The following ZNF385D variants were observed in gnomAD, a reference collection of about 807,000 sequenced individuals.
ZNF385D encodes the protein zinc finger protein 659.
In ZNF385D, 15 loss-of-function variants were observed where a neutral mutation model predicts 35.8. The ratio of observed to expected loss-of-function variants is 0.42; its 90% CI spans 0.28 to 0.64. ZNF385D has a LOEUF of 0.64. ZNF385D is among the 30% of genes least tolerant of loss of function. The pLI, the probability that ZNF385D is intolerant of heterozygous loss-of-function variation, is 0.23. For missense variants in ZNF385D, 474 were observed against 494.6 expected (o/e 0.96, Z 0.39); for synonymous variants, 212 against 186.8 (o/e 1.13, Z -1.10).
intron 3 of ZNF385D, among the ~76,000 whole-genome samples, chr3:21,775,951 C>T (rs2125624277): frequency 6.6e-6 from 1 of 151,634 alleles, no homozygotes; most frequent in South Asian, 2.1e-4. Context: ...ACAAATACTG[C>T]TAATAGTATT....
chr3:22,354,171 G>A (rs998905770), intron 2 of ZNF385D, among the ~76,000 whole-genome samples: 1 of 152,048 alleles, frequency 6.6e-6, no homozygotes, highest in Non-Finnish European at 1.5e-5. Context: ...GCCTTGGTTT[G>A]AAAGCCAGTT....
intron 2 of ZNF385D, among the ~76,000 whole-genome samples, chr3:22,329,968 T>C (rs1694859740): frequency 1.3e-5 from 2 of 152,176 alleles, no homozygotes; most frequent in African/African-American, 4.8e-5. Flanking sequence ...TTAGTAGCTG[T>C]CATAATAAAC....
chr3:21,468,329 G>C (rs1383613722), intron 4 of ZNF385D, among the ~76,000 whole-genome samples: 2 of 150,034 alleles, frequency 1.3e-5, no homozygotes, highest in Non-Finnish European at 3.0e-5. Flanking sequence ...TTGAACCTGG[G>C]AGGCAGAGGT....
At chr3:22,094,385 G>T (rs1576308626) in intron 3 of ZNF385D, among the ~76,000 whole-genome samples, 6 of 70,832 alleles carry the variant, frequency 8.5e-5, no homozygotes, top group Admixed American at 1.3e-4. Context: ...ATTTATTGTT[G>T]ATATATATAT....
At chr3:22,053,320 A>G (rs1216874195) in intron 3 of ZNF385D, among the ~76,000 whole-genome samples, 1 of 54,358 alleles carries the variant, frequency 1.8e-5, no homozygotes, top group African/African-American at 7.0e-5. Flanking sequence ...CAAAAAATCA[A>G]TGAATCCAGG....
chr3:22,206,548 T>C (rs1418667095), intron 2 of ZNF385D, among the ~76,000 whole-genome samples: 2 of 151,216 alleles, frequency 1.3e-5, no homozygotes, highest in Non-Finnish European at 1.5e-5. Context: ...TCTTAAAACA[T>C]CCAGAAAAAA....
intron 3 of ZNF385D, among the ~76,000 whole-genome samples, chr3:21,889,691 ATG>A (rs1345772564): frequency 1.3e-5 from 2 of 152,192 alleles, no homozygotes; most frequent in African/African-American, 4.8e-5. Context: ...AGGATGAAGT[ATG>A]TTTCTCTGAT....
intron 6 of ZNF385D, among the ~76,000 whole-genome samples, chr3:21,424,593 G>A (rs964343677): frequency 3.3e-5 from 5 of 150,138 alleles, no homozygotes; most frequent in African/African-American, 1.2e-4. Flanking sequence ...GATTACAGGC[G>A]TGAGCCACTG....
chr3:21,820,738 G>T (rs919026068), intron 3 of ZNF385D, among the ~76,000 whole-genome samples: 1 of 150,652 alleles, frequency 6.6e-6, no homozygotes, highest in Non-Finnish European at 1.5e-5. Context: ...ATAAAAAAGG[G>T]ATATAATTAT....
intron 2 of ZNF385D, among the ~76,000 whole-genome samples, chr3:22,172,596 A>C (rs950989348): frequency 6.6e-6 from 1 of 152,178 alleles, no homozygotes; most frequent in African/African-American, 2.4e-5. Flanking sequence ...CACCCCTGGC[A>C]TGGGTCTCTG....
rs539071076 is a variant in ZNF385D at position 22,143,845 on chromosome 3, G to T, written c.325+24972C>A. Among the ~76,000 whole-genome samples, 5 of 152,158 alleles carry T rather than the reference G, an allele frequency of 3.3e-5. No individual in the cohort carries two copies. In the South Asian group the frequency reaches 1.0e-3, roughly 32 times the overall value. ...TCTGATCTTAAATTCATGTACTATT[G>T]TAACTACACAATGTATTATTTCTTT... On this transcript the variant is annotated intron_variant, in intron 3 of 5. Transcript: ENST00000494108.
chr3:21,448,835 A>C (rs1339643302), intron 4 of ZNF385D, among the ~76,000 whole-genome samples: 1 of 138,220 alleles, frequency 7.2e-6, no homozygotes, highest in East Asian at 2.1e-4. Context: ...ACACAGCTCC[A>C]GAAATTCCAA....
At chr3:22,307,577 T>C (rs1442961702) in intron 2 of ZNF385D, among the ~76,000 whole-genome samples, 1 of 152,060 alleles carries the variant, frequency 6.6e-6, no homozygotes, top group Non-Finnish European at 1.5e-5. Flanking sequence ...CATATGGTAT[T>C]TTGGGAAAAT....
intron 3 of ZNF385D, among the ~76,000 whole-genome samples, chr3:21,988,672 C>T (rs903734117): frequency 6.6e-6 from 1 of 151,542 alleles, no homozygotes; most frequent in Admixed American, 6.6e-5. Context: ...GCAGGCAGGC[C>T]TCCTTGAGCT....
At chr3:22,262,212 G>A (rs79468145) in intron 2 of ZNF385D, among the ~76,000 whole-genome samples, 7,055 of 151,926 alleles carry the variant, frequency 0.046, 209 homozygotes, top group African/African-American at 0.081. Context: ...ATATAATGAG[G>A]TATTTTGAGG....
chr3:21,558,263 A>C (rs1419029341), intron 3 of ZNF385D, among the ~76,000 whole-genome samples: 1 of 151,508 alleles, frequency 6.6e-6, no homozygotes, highest in African/African-American at 2.4e-5. Context: ...TCGATTTTAG[A>C]TCTTTCTTGC....
chr3:21,599,182 G>A (rs904296444), intron 2 of ZNF385D, among the ~76,000 whole-genome samples: 1 of 152,190 alleles, frequency 6.6e-6, no homozygotes, highest in Non-Finnish European at 1.5e-5. Flanking sequence ...TCGGCAAACA[G>A]AGGGGAAGCC....
At chr3:22,260,769 C>T (rs1700586155) in intron 2 of ZNF385D, among the ~76,000 whole-genome samples, 1 of 151,902 alleles carries the variant, frequency 6.6e-6, no homozygotes, top group Non-Finnish European at 1.5e-5. Flanking sequence ...TAGTTATAGT[C>T]TTAATTTTAA....
At chr3:22,068,930 G>C (rs1700097786) in intron 3 of ZNF385D, among the ~76,000 whole-genome samples, 1 of 152,246 alleles carries the variant, frequency 6.6e-6, no homozygotes, top group East Asian at 1.9e-4. Flanking sequence ...TCTCAGGATT[G>C]GTACAGACAC....
Sources: allele counts gnomAD v4.1 joint callset (sites outside exome capture counted in the v4.1 genomes callset), GRCh38; gene constraint gnomAD v4.1.1; transcripts MANE v1.5; gene names NCBI Gene and HGNC (gene_info 2026-07-23, HGNC 2026-07-21).